The following DIPK1A variants were observed in gnomAD, a reference collection of about 807,000 sequenced individuals.
The protein encoded by DIPK1A is family with sequence similarity 69 member A.
DIPK1A carries 27 observed loss-of-function variants against 40.8 expected under a neutral mutation model. The observed-to-expected ratio is 0.66, with a 90% CI of 0.49 to 0.91. The LOEUF (loss-of-function observed/expected upper bound fraction) is 0.91, where lower values mean the gene tolerates loss of function less well. Ranked by LOEUF, DIPK1A falls within the 40% of genes least tolerant of loss-of-function variation. The pLI is 0.00. For missense variants in DIPK1A, 412 were observed against 505.7 expected (o/e 0.81, Z 1.78); for synonymous variants, 166 against 171.3 (o/e 0.97, Z 0.24).
intron 1 of DIPK1A, among the ~76,000 whole-genome samples, chr1:92,944,275 CAG>C (rs1300870947): frequency 1.3e-5 from 2 of 152,102 alleles, no homozygotes; most frequent in Admixed American, 1.3e-4. Context: ...AAGGAAGAAA[CAG>C]AGGAAAAAGA....
Position 92,842,180 on chromosome 1 carries a change from CATTT to C in DIPK1A, c.*1199_*1202del, listed in dbSNP as rs1297600344. 1 of 1,027,000 alleles carries C rather than the reference CATTT, an allele frequency of 9.7e-7. No homozygotes were observed. The allele number at this position is 1,027,000 out of a possible 1,614,324, so 63.6% of individuals were successfully genotyped here. A position where few individuals can be genotyped will look rare whatever the true frequency, so the allele number is the denominator to read the frequency against. On this transcript the variant is annotated 3_prime_UTR_variant, in exon 5 of 5. Coordinates refer to ENST00000370310, the MANE Select transcript of DIPK1A (RefSeq NM_001006605.5). ...ATCAGTGGGAAATATTTCTTCCATC[CATTT>C]ATTATAACCAGATGATGAATGGGAA...
chr1:92,879,403 C>T (rs1489041110), intron 1 of DIPK1A, among the ~76,000 whole-genome samples: 5 of 152,108 alleles, frequency 3.3e-5, no homozygotes, highest in Non-Finnish European at 5.9e-5. Context: ...CAAATAGCTA[C>T]GTTTTTCTAC....
At chr1:92,942,179 A>G (rs1382786723) in intron 1 of DIPK1A, among the ~76,000 whole-genome samples, 3 of 152,212 alleles carry the variant, frequency 2.0e-5, no homozygotes, top group Non-Finnish European at 4.4e-5. Flanking sequence ...GACAGAAGCA[A>G]ATTAAGTTGT....
At chr1:92,855,397 A>C (rs1044297038) in intron 2 of DIPK1A, among the ~76,000 whole-genome samples, 3 of 152,194 alleles carry the variant, frequency 2.0e-5, no homozygotes, top group Non-Finnish European at 1.5e-5. Context: ...AACCAAACAA[A>C]CAAACAAAAA....
chr1:92,891,951 G>A (rs897986741), intron 1 of DIPK1A, among the ~76,000 whole-genome samples: 2 of 151,436 alleles, frequency 1.3e-5, no homozygotes, highest in Non-Finnish European at 2.9e-5. Context: ...GCGGCAGCGA[G>A]GCTGGGGGAG....
intron 1 of DIPK1A, among the ~76,000 whole-genome samples, chr1:92,891,340 G>C (rs1451113495): frequency 6.7e-6 from 1 of 150,308 alleles, no homozygotes; most frequent in Non-Finnish European, 1.5e-5. Context: ...TCTAATTTTG[G>C]GTTTGGTTTA....
At chr1:92,898,907 CAT>C (rs1400946903) in intron 1 of DIPK1A, among the ~76,000 whole-genome samples, 9 of 152,248 alleles carry the variant, frequency 5.9e-5, no homozygotes, top group East Asian at 5.8e-4. Context: ...CGACCACAGA[CAT>C]GTGCCACCAT....
At chr1:92,860,988 C>T (rs935452416) in intron 2 of DIPK1A, among the ~76,000 whole-genome samples, 6 of 152,196 alleles carry the variant, frequency 3.9e-5, no homozygotes, top group African/African-American at 7.2e-5. Flanking sequence ...TCCTCACTTA[C>T]ATCAAACATC....
Position 92,843,398 on chromosome 1 carries a change from G to A in DIPK1A, c.1272C>T (p.Tyr424=). ...TCCAAATGAACTAAGAGTCATTAGT[G>A]TAGGAAATTTTCTTCCACAATAATG... is the stretch of plus-strand genomic sequence containing the variant. ...LKTLLWKKIS[Y]TNDS The change falls in exon 5 of 5, where the codon TAC becomes TAT. Residue 424 remains tyrosine (Y), a synonymous_variant. Coordinates refer to ENST00000370310, the MANE Select transcript of DIPK1A (RefSeq NM_001006605.5). 1 of 1,542,020 alleles carries A rather than the reference G, an allele frequency of 6.5e-7. No individual in the cohort carries two copies. The highest frequency in any genetic ancestry group is 1.4e-5 in the African/African-American group (1 of 72,838).
chr1:92,893,505 C>T (rs999668271), intron 1 of DIPK1A, among the ~76,000 whole-genome samples: 1 of 151,958 alleles, frequency 6.6e-6, no homozygotes. Flanking sequence ...GAAGGAAGCA[C>T]TAAACATGGA....
At chr1:92,915,024 G>A (rs1649996879) in intron 1 of DIPK1A, among the ~76,000 whole-genome samples, 1 of 138,496 alleles carries the variant, frequency 7.2e-6, no homozygotes, top group African/African-American at 3.2e-5. Context: ...GGAGGTGGAG[G>A]TTGCAGTAAG....
intron 1 of DIPK1A, among the ~76,000 whole-genome samples, chr1:92,920,559 A>AT (rs1650231155): frequency 6.6e-6 from 1 of 152,230 alleles, no homozygotes; most frequent in African/African-American, 2.4e-5. Flanking sequence ...GAAGAGATAC[A>AT]TATCTAGCTG....
At chr1:92,880,853 G>C (rs1302019851) in intron 1 of DIPK1A, among the ~76,000 whole-genome samples, 1 of 151,358 alleles carries the variant, frequency 6.6e-6, no homozygotes, top group African/African-American at 2.4e-5. Flanking sequence ...CTGGGCAACA[G>C]AGCGAGACTC....
intron 1 of DIPK1A, among the ~76,000 whole-genome samples, chr1:92,908,345 A>T (rs892714740): frequency 4.0e-5 from 6 of 150,952 alleles, no homozygotes; most frequent in Admixed American, 3.9e-4. Context: ...ATGGTTGGGT[A>T]AAAAAAAGAC....
At chr1:92,922,578 A>G (rs1189739912) in intron 1 of DIPK1A, among the ~76,000 whole-genome samples, 1 of 152,202 alleles carries the variant, frequency 6.6e-6, no homozygotes, top group Non-Finnish European at 1.5e-5. Flanking sequence ...TGCTAAGATG[A>G]GGATTCTAAG....
At chr1:92,942,256 G>A (rs368530256) in intron 1 of DIPK1A, among the ~76,000 whole-genome samples, 2 of 152,116 alleles carry the variant, frequency 1.3e-5, no homozygotes, top group East Asian at 1.9e-4. Context: ...GACTGAAAAG[G>A]CTTGTTTATC....
At chr1:92,880,253 T>G (rs755700364) in intron 1 of DIPK1A, among the ~76,000 whole-genome samples, 2 of 152,240 alleles carry the variant, frequency 1.3e-5, no homozygotes, top group African/African-American at 4.8e-5. Flanking sequence ...TAAATTTGTA[T>G]GACATTAGCA....
chr1:92,923,086 T>C (rs986265496), intron 1 of DIPK1A, among the ~76,000 whole-genome samples: 1 of 152,206 alleles, frequency 6.6e-6, no homozygotes, highest in Non-Finnish European at 1.5e-5. Context: ...TCCATGCTTA[T>C]TGTTCCCTTT....
intron 1 of DIPK1A, among the ~76,000 whole-genome samples, chr1:92,949,080 A>G (rs1369383130): frequency 6.6e-6 from 1 of 151,832 alleles, no homozygotes; most frequent in Non-Finnish European, 1.5e-5. Context: ...TACTGGGATT[A>G]GTTAACTTCA....
Sources: gnomAD v4.1 joint callset for allele counts (sites outside exome capture counted in the v4.1 genomes callset) on GRCh38, gnomAD v4.1.1 for gene constraint, MANE v1.5 for transcripts, NCBI Gene and HGNC (gene_info 2026-07-23, HGNC 2026-07-21) for gene names.